CACNA1B: variants seen among roughly 807,000 people sequenced by gnomAD.
The protein encoded by CACNA1B is calcium voltage-gated channel subunit alpha1 B, also known as voltage-dependent N-type calcium channel subunit alpha-1B.
CACNA1B carries 70 observed loss-of-function variants against 247.2 expected under a neutral mutation model. The observed-to-expected ratio is 0.28, with a 90% CI of 0.23 to 0.35. The LOEUF (loss-of-function observed/expected upper bound fraction) is 0.35, where lower values mean the gene tolerates loss of function less well. Among genes scored for constraint, CACNA1B ranks in the 10% least tolerant of loss-of-function variants. CACNA1B has a pLI of 1.00. For synonymous variants in CACNA1B, 1,231 were observed against 1,294.4 expected, an observed-to-expected ratio of 0.95 and a Z score of 1.05; for missense variants, 2,367 against 3,197.4, an observed-to-expected ratio of 0.74 and a Z score of 6.26.
intron 6 of CACNA1B, among the ~76,000 whole-genome samples, chr9:137,936,152 C>T (rs530882430): frequency 5.9e-5 from 9 of 152,308 alleles, no homozygotes; most frequent in East Asian, 1.9e-4. Flanking sequence ...CCACTGCGCC[C>T]GGCTGTTTCC....
At chr9:137,892,349 G>A (rs1199977532) in intron 3 of CACNA1B, 1 of 456,628 alleles carries the variant, frequency 2.2e-6, no homozygotes, top group African/African-American at 2.0e-5. Flanking sequence ...GGGCGGTGCT[G>A]ATCCGATGGA....
At chr9:138,096,405 C>A in intron 36 of CACNA1B, 79 bp from the exon 37 acceptor site, 3 of 1,227,688 alleles carry the variant, frequency 2.4e-6, no homozygotes, top group Non-Finnish European at 3.6e-6. Context: ...GCTTCACACA[C>A]ACTGGAGAGT....
At position 138,102,648 on chromosome 9, in the gene CACNA1B, C is replaced by A; in HGVS notation, c.5223-63C>A. On this transcript the variant is annotated intron_variant, in intron 37 of 46. Coordinates refer to ENST00000371372, the MANE Select transcript of CACNA1B (RefSeq NM_000718.4). This position sits in a 1 kb window ranked among gnomAD's most constrained non-coding sequence, Gnocchi z 5.4. ...CCCCGCTCCCCTCCCCGCTCCCCTCCTGCTGCCGCTCCTCCTGTGGACCAC... is the reference window on the plus strand; with the variant it reads ...CCCCGCTCCCCTCCCCGCTCCCCTCATGCTGCCGCTCCTCCTGTGGACCAC... 1.1e-6 allele frequency: 1 copy of A among 881,646 alleles called. No individual in the cohort carries two copies. The highest frequency in any genetic ancestry group is 1.8e-6 in the Non-Finnish European group (1 of 557,356). 54.6% of individuals were successfully genotyped at this position (881,646 alleles called of 1,614,324 possible). A position where few individuals can be genotyped will look rare whatever the true frequency, so the allele number is the denominator to read the frequency against.
intron 12 of CACNA1B, among the ~76,000 whole-genome samples, chr9:137,982,005 C>G (rs1223951552): frequency 6.6e-6 from 1 of 152,226 alleles, no homozygotes; most frequent in Non-Finnish European, 1.5e-5. Context: ...AAAACCACTC[C>G]CACATTTTAG....
chr9:137,933,809 A>C (rs1354050353), intron 6 of CACNA1B, among the ~76,000 whole-genome samples: 1 of 152,166 alleles, frequency 6.6e-6, no homozygotes, highest in Non-Finnish European at 1.5e-5. Context: ...TGGAGGGGTA[A>C]AGGGAAGCTC....
intron 42 of CACNA1B, among the ~76,000 whole-genome samples, 162 bp downstream of exon 42, chr9:138,115,841 C>G (rs547235310): frequency 6.6e-6 from 1 of 152,220 alleles, no homozygotes; most frequent in Non-Finnish European, 1.5e-5. Flanking sequence ...CCATCCGACC[C>G]TGCACTTGGG....
intron 37 of CACNA1B, chr9:138,101,084 CT>C (rs1056665677): frequency 3.8e-6 from 2 of 526,324 alleles, no homozygotes; most frequent in Non-Finnish European, 7.8e-6. Flanking sequence ...TTGCCATAAC[CT>C]GTGACATTTC....
At chr9:138,047,125 G>T in intron 22 of CACNA1B, 92 bp downstream of exon 22, 1 of 1,224,698 alleles carries the variant, frequency 8.2e-7, no homozygotes, top group South Asian at 1.5e-5. Flanking sequence ...TGGGGCTGAG[G>T]TCCTGTCGTC....
At position 138,115,503 on chromosome 9, in the gene CACNA1B, C is replaced by T. The variant is rs1369496767; in HGVS notation, c.5650-49C>T. 1.9e-6 allele frequency: 3 copies of T among 1,585,268 alleles called. No individual in the cohort carries two copies. The African/African-American group carries it at 4.0e-5, about 21-fold the overall frequency. ...TGGTCAGAGCAGGTCACAGAGGCCACATTGCAGGCCCATTGGAGCTCTTTC... is the reference window on the plus strand; with the variant it reads ...TGGTCAGAGCAGGTCACAGAGGCCATATTGCAGGCCCATTGGAGCTCTTTC... On this transcript the variant is annotated intron_variant, in intron 41 of 46. Coordinates refer to ENST00000371372, the MANE Select transcript of CACNA1B (RefSeq NM_000718.4).
intron 42 of CACNA1B, among the ~76,000 whole-genome samples, chr9:138,117,011 A>G (rs1431263833): frequency 6.6e-6 from 1 of 152,110 alleles, no homozygotes; most frequent in African/African-American, 2.4e-5. Flanking sequence ...GTCCATTTAG[A>G]CTATCAGGCT....
chr9:137,996,774 C>T (rs1444524132), intron 15 of CACNA1B, among the ~76,000 whole-genome samples: 3 of 151,926 alleles, frequency 2.0e-5, no homozygotes, highest in Admixed American at 6.6e-5. Context: ...CAGACTCCTC[C>T]GCAGAATATA....
chr9:137,944,566 T>G (rs1253318929), intron 6 of CACNA1B, among the ~76,000 whole-genome samples: 1 of 152,192 alleles, frequency 6.6e-6, no homozygotes, highest in Non-Finnish European at 1.5e-5. Flanking sequence ...GATTTGTTTC[T>G]TTTCCAAGGG....
At chr9:137,906,475 G>A (rs960493477) in intron 3 of CACNA1B, among the ~76,000 whole-genome samples, 3 of 152,160 alleles carry the variant, frequency 2.0e-5, no homozygotes, top group Non-Finnish European at 4.4e-5. Context: ...CTCCATGCCC[G>A]TGTGTTGTGT....
At chr9:138,099,055 C>T (rs1307601173) in intron 37 of CACNA1B, among the ~76,000 whole-genome samples, 1 of 152,236 alleles carries the variant, frequency 6.6e-6, no homozygotes, top group Non-Finnish European at 1.5e-5. Context: ...TATGGCTCCT[C>T]GTTCTTTGGG....
rs1189861040 is a variant in CACNA1B at position 137,971,671 on chromosome 9, G to C, written c.1543+79G>C. 7.9e-7 allele frequency: 1 copy of C among 1,266,466 alleles called. No individual in the cohort carries two copies. The allele number at this position is 1,266,466 out of a possible 1,614,324, so 78.5% of individuals were successfully genotyped here. On this transcript the variant is annotated intron_variant, in intron 11 of 46. Transcript: ENST00000371372. This position sits in a 1 kb window ranked among gnomAD's most constrained non-coding sequence, Gnocchi z 4.4. ...CTGGAAACCCTGGTCCATGCCCTGGGGCTACCCCAGGTGGGACGGGACCCA... is the reference window on the plus strand; with the variant it reads ...CTGGAAACCCTGGTCCATGCCCTGGCGCTACCCCAGGTGGGACGGGACCCA...
intron 15 of CACNA1B, among the ~76,000 whole-genome samples, chr9:137,995,063 C>G (rs1958480370): frequency 6.6e-6 from 1 of 151,998 alleles, no homozygotes; most frequent in African/African-American, 2.4e-5. Context: ...CACAAATTAG[C>G]CAGGTGCGGT....
intron 20 of CACNA1B, among the ~76,000 whole-genome samples, chr9:138,035,514 TTTC>T (rs1261427022): frequency 1.3e-5 from 2 of 152,064 alleles, no homozygotes; most frequent in African/African-American, 4.8e-5. Context: ...TAGAAACTAG[TTTC>T]TTATTATTTT....
chr9:138,049,291 G>A lies in CACNA1B; in HGVS notation c.3686G>A (p.Gly1229Asp). 1 of 1,612,148 alleles carries A rather than the reference G, an allele frequency of 6.2e-7. No individual in the cohort carries two copies. The highest frequency in any genetic ancestry group is 8.5e-7 in the Non-Finnish European group (1 of 1,178,144). ...WNILDFIVVSGALVAFAFSGS... is the reference protein window; with the variant it reads ...WNILDFIVVSDALVAFAFSGS... ...ATTCTGGACTTCATTGTGGTCAGTG[G>A]CGCCCTGGTGGCGTTTGCTTTCTCG... is the stretch of plus-strand genomic sequence containing the variant. The change falls in exon 24 of 47, where the codon GGC becomes GAC. Residue 1229 changes from glycine to aspartate, a missense_variant. By Grantham distance (94) the Gly-to-Asp change is moderately conservative. Coordinates refer to ENST00000371372, the MANE Select transcript of CACNA1B (RefSeq NM_000718.4).
In CACNA1B at chr9:138,057,714, C is replaced by G. The variant is rs1959564606; in HGVS notation, c.3969-18C>G. On this transcript the variant is annotated intron_variant, in intron 26 of 46. Transcript: ENST00000371372. This position sits in a 1 kb window ranked among gnomAD's most constrained non-coding sequence, Gnocchi z 4.0. ...TCTTTTGTCTTTGCCCTCTAACCTCCCATGTTCTCATTCCTAGGGGTCAGT... is the reference window on the plus strand; with the variant it reads ...TCTTTTGTCTTTGCCCTCTAACCTCGCATGTTCTCATTCCTAGGGGTCAGT... The G allele has an allele frequency of 6.3e-7, 1 of 1,598,406 alleles. No individual in the cohort carries two copies. Among genetic ancestry groups the G allele is most frequent in the African/African-American group, 1.3e-5 (1 of 74,700 alleles).
Sources: gnomAD v4.1 joint callset for allele counts (sites outside exome capture counted in the v4.1 genomes callset) on GRCh38, gnomAD v4.1.1 for gene constraint, Gnocchi (gnomAD v3.1) non-coding constraint, MANE v1.5 for transcripts, NCBI Gene and HGNC (gene_info 2026-07-23, HGNC 2026-07-21) for gene names.